The following PROS1 variants were observed in gnomAD, a reference collection of about 807,000 sequenced individuals.
The protein encoded by PROS1 is vitamin K-dependent protein S.
A neutral mutation model predicts 75.9 loss-of-function variants in PROS1; 29 were observed. That is an observed-to-expected ratio of 0.38 (90% confidence interval 0.28 to 0.52). The LOEUF is 0.52. PROS1 is among the 20% of genes least tolerant of loss of function. The pLI is 0.83. For synonymous variants in PROS1, 245 were observed against 280.6 expected (o/e 0.87, Z 1.27); for missense variants, 680 against 810.3 (o/e 0.84, Z 1.95).
intron 12 of PROS1, among the ~76,000 whole-genome samples, chr3:93,883,285 T>A (rs1708298563): frequency 6.6e-6 from 1 of 152,062 alleles, no homozygotes; most frequent in South Asian, 2.1e-4. Flanking sequence ...AGGGAATACA[T>A]AAAACTGAGC....
At chr3:93,903,383 G>T (rs143926874) in intron 6 of PROS1, among the ~76,000 whole-genome samples, 1 of 152,222 alleles carries the variant, frequency 6.6e-6, no homozygotes, top group East Asian at 1.9e-4. Flanking sequence ...CACAAATTTG[G>T]CCAGGTGTGG....
At chr3:93,909,435 A>T (rs1293392998) in intron 4 of PROS1, among the ~76,000 whole-genome samples, 1 of 144,058 alleles carries the variant, frequency 6.9e-6, no homozygotes, top group Non-Finnish European at 1.5e-5. Context: ...AGCTTGTCTA[A>T]AAAAAAAAAA....
intron 6 of PROS1, among the ~76,000 whole-genome samples, chr3:93,904,505 C>T (rs1348121522): frequency 2.0e-5 from 3 of 152,062 alleles, no homozygotes; most frequent in Non-Finnish European, 4.4e-5. Flanking sequence ...CTAAACACTG[C>T]TATTCAGTAA....
At chr3:93,924,647 C>T (rs1708989456) in intron 2 of PROS1, among the ~76,000 whole-genome samples, 1 of 150,690 alleles carries the variant, frequency 6.6e-6, no homozygotes, top group Non-Finnish European at 1.5e-5. Flanking sequence ...AATGTTGAAT[C>T]ACAGTAACGT....
chr3:93,937,218 C>T (rs1213194180), intron 1 of PROS1, among the ~76,000 whole-genome samples: 1 of 152,074 alleles, frequency 6.6e-6, no homozygotes, highest in Non-Finnish European at 1.5e-5. Flanking sequence ...ATGAAAGGGT[C>T]GTGATTGATT....
intron 1 of PROS1, among the ~76,000 whole-genome samples, chr3:93,956,518 C>G (rs1214877476): frequency 7.2e-6 from 1 of 139,156 alleles, no homozygotes; most frequent in Non-Finnish European, 1.5e-5. Flanking sequence ...CTCTGTCTCT[C>G]TCTCTCTCTC....
intron 10 of PROS1, among the ~76,000 whole-genome samples, chr3:93,889,353 A>C (rs1708395341): frequency 6.6e-6 from 1 of 152,208 alleles, no homozygotes; most frequent in African/African-American, 2.4e-5. Flanking sequence ...ACCTAGAATA[A>C]GGATTAGCAC....
At chr3:93,903,065 G>T (rs907001947) in intron 6 of PROS1, among the ~76,000 whole-genome samples, 1 of 151,916 alleles carries the variant, frequency 6.6e-6, no homozygotes, top group African/African-American at 2.4e-5. Flanking sequence ...CGGGGTTTCA[G>T]CGTGTTAGCC....
intron 1 of PROS1, among the ~76,000 whole-genome samples, chr3:93,940,367 T>A (rs922771763): frequency 1.3e-5 from 2 of 152,164 alleles, no homozygotes; most frequent in Admixed American, 1.3e-4. Flanking sequence ...GAGGTACATC[T>A]GTCACCTTCT....
chr3:93,886,987 C>A (rs1708358057), intron 10 of PROS1, among the ~76,000 whole-genome samples: 1 of 150,070 alleles, frequency 6.7e-6, no homozygotes, highest in East Asian at 2.0e-4. Flanking sequence ...GGCGCAATCT[C>A]GGCTCACTGC....
intron 1 of PROS1, among the ~76,000 whole-genome samples, chr3:93,933,756 T>C (rs1170025386): frequency 6.6e-6 from 1 of 152,000 alleles, no homozygotes; most frequent in Non-Finnish European, 1.5e-5. Flanking sequence ...AAATGCAATC[T>C]CTACTAAAAA....
At chr3:93,891,880 C>A (rs916476120) in intron 10 of PROS1, among the ~76,000 whole-genome samples, 2 of 151,664 alleles carry the variant, frequency 1.3e-5, no homozygotes, top group South Asian at 2.1e-4. Flanking sequence ...CATAGCAAGA[C>A]CCTGTGTCTA....
At position 93,928,011 on chromosome 3, in the gene PROS1, A is replaced by AT. The variant is rs1196919400; in HGVS notation, c.77-605dup. Among the ~76,000 whole-genome samples, 109 of 44,462 alleles carry AT rather than the reference A, an allele frequency of 2.5e-3. 5 individuals carry two copies. The highest frequency in any genetic ancestry group is 5.8e-3 in the East Asian group (8 of 1,380). 29.2% of individuals were successfully genotyped at this position (44,462 alleles called of 152,430 possible). On this transcript the variant is annotated intron_variant, in intron 1 of 14. Transcript: ENST00000394236. ...TGTGTGTGTATATATATATATATAT[A>AT]TTTTTTTTTTTTTTTTTTTTTGAGA...
chr3:93,962,354 T>C (rs2107262292), intron 1 of PROS1, among the ~76,000 whole-genome samples: 1 of 152,258 alleles, frequency 6.6e-6, no homozygotes, highest in South Asian at 2.1e-4. Flanking sequence ...ACAATAAAAA[T>C]AAATCACTGC....
At chr3:93,886,778 A>T (rs941963706) in intron 10 of PROS1, among the ~76,000 whole-genome samples, 3 of 152,224 alleles carry the variant, frequency 2.0e-5, no homozygotes, top group African/African-American at 7.2e-5. Context: ...ACATCCAGTT[A>T]TATATCTTTC....
intron 6 of PROS1, among the ~76,000 whole-genome samples, chr3:93,903,922 G>A (rs865878992): frequency 2.7e-5 from 4 of 150,660 alleles, no homozygotes; most frequent in East Asian, 2.0e-4. Flanking sequence ...CCACTAACTC[G>A]TCATCTAGCA....
chr3:93,930,310 A>C (rs550875794), intron 1 of PROS1, among the ~76,000 whole-genome samples: 4 of 152,336 alleles, frequency 2.6e-5, no homozygotes, highest in Admixed American at 6.5e-5. Context: ...GTGGGCAATT[A>C]TCTCATTTAT....
chr3:93,908,656 C>T (rs1049397119), intron 4 of PROS1, among the ~76,000 whole-genome samples: 2 of 152,106 alleles, frequency 1.3e-5, no homozygotes, highest in African/African-American at 4.8e-5. Context: ...TTTAGACTAC[C>T]CAGACCTAAA....
chr3:93,963,710 G>A (rs1419052691), intron 1 of PROS1, among the ~76,000 whole-genome samples: 2 of 151,962 alleles, frequency 1.3e-5, no homozygotes, highest in African/African-American at 4.8e-5. Flanking sequence ...AGAAGGAGAG[G>A]TCCCAGACTT....
Sources: gnomAD v4.1 joint callset for allele counts (sites outside exome capture counted in the v4.1 genomes callset) on GRCh38, gnomAD v4.1.1 for gene constraint, MANE v1.5 for transcripts, NCBI Gene and HGNC (gene_info 2026-07-23, HGNC 2026-07-21) for gene names.